The following WNT2B variants were observed in gnomAD, a reference collection of about 807,000 sequenced individuals.
WNT2B encodes protein Wnt-2b.
WNT2B carries 19 observed loss-of-function variants against 40.5 expected under a neutral mutation model. The ratio of observed to expected loss-of-function variants is 0.47; its 90% CI spans 0.33 to 0.69. The LOEUF (loss-of-function observed/expected upper bound fraction) is 0.69, where lower values mean the gene tolerates loss of function less well. WNT2B is among the 30% of genes least tolerant of loss of function. The pLI, the probability that WNT2B is intolerant of heterozygous loss-of-function variation, is 0.02. For missense variants in WNT2B, 467 were observed against 556.4 expected, an observed-to-expected ratio of 0.84 and a Z score of 1.62; for synonymous variants, 220 against 211.9, an observed-to-expected ratio of 1.04 and a Z score of -0.33.
rs1318541695 is a variant in WNT2B, at chr1:112,520,286, T to A, written c.953T>A (p.Leu318Gln). ...YCVLDKAAGSLGTAGRVCSKT... is the reference protein window; with the variant it reads ...YCVLDKAAGSQGTAGRVCSKT... ...CCTCTCTTCCCCAACCCAGGTTCCCTAGGCACTGCAGGCCGTGTCTGCAGC... is the reference window on the plus strand; with the variant it reads ...CCTCTCTTCCCCAACCCAGGTTCCCAAGGCACTGCAGGCCGTGTCTGCAGC... Residue 318 changes from leucine (L) to glutamine (Q), a missense_variant, in exon 5 of 5, where the codon CTA (leucine) becomes CAA (glutamine). Leu to Gln is a moderately radical substitution (Grantham distance 113). This residue lies in a region of WNT2B where 330 missense variants were observed against 438.6 expected (regional missense o/e 0.75). Coordinates refer to ENST00000369684, the MANE Select transcript of WNT2B (RefSeq NM_024494.3). 1 of 1,613,674 alleles carries A rather than the reference T, an allele frequency of 6.2e-7. No homozygotes were observed. The highest frequency in any genetic ancestry group is 1.3e-5 in the African/African-American group (1 of 74,912).
At chr1:112,488,718 ATT>A (rs71584740) in intron 1 of WNT2B, among the ~76,000 whole-genome samples, 1 of 150,586 alleles carries the variant, frequency 6.6e-6, no homozygotes, top group Non-Finnish European at 1.5e-5. Context: ...TGCCCGGCTA[ATT>A]TTTTTTTGTA....
Position 112,502,345 on chromosome 1 carries a change from C to G in WNT2B, c.-94-12529C>G, listed in dbSNP as rs573644164. 7.2e-5 allele frequency among the ~76,000 whole-genome samples: 11 copies of G among 152,244 alleles called. No individual in the cohort carries two copies. In the South Asian group the frequency reaches 8.3e-4, roughly 11 times the overall value. On this transcript the variant is annotated intron_variant, in intron 1 of 4. Transcript: ENST00000256640. ...AGCCCTGCCCTGCACCCCGCTCTCC[C>G]CTCTCTGGCCCGGAGGGCTGCGCCG...
chr1:112,466,896 C>T (rs1650725638), exon 1 of WNT2B: 1 of 152,178 alleles, frequency 6.6e-6, no homozygotes, highest in Non-Finnish European at 1.5e-5. Context: ...TGCCACAGTT[C>T]CTACTAGGTG....
In WNT2B at chr1:112,466,759, C is replaced by T. The variant is rs1650721909; in HGVS notation, c.-927C>T. Reference sequence around the variant, plus strand: ...TGCATTCATCCATTTAATTATGCTTCAGAAATGTCTTGCTCTTTTTATACT... The same window carrying T: ...TGCATTCATCCATTTAATTATGCTTTAGAAATGTCTTGCTCTTTTTATACT... On this transcript the variant is annotated 5_prime_UTR_variant, in exon 1 of 5. Coordinates refer to the WNT2B transcript ENST00000256640. 2.0e-5 allele frequency: 3 copies of T among 152,176 alleles called. No homozygotes were observed. The South Asian group carries it at 6.2e-4, about 32-fold the overall frequency. The allele number at this position is 152,176 out of a possible 1,614,324, so 9.4% of individuals were successfully genotyped here.
rs1172244052 is a variant in WNT2B, at chr1:112,523,590, C to G, written c.*3081C>G. 6.6e-6 allele frequency: 1 copy of G among 152,148 alleles called. No homozygotes were observed. The highest frequency in any genetic ancestry group is 2.4e-5 in the African/African-American group (1 of 41,436). The allele number at this position is 152,148 out of a possible 1,614,324, so 9.4% of individuals were successfully genotyped here. A position where few individuals can be genotyped will look rare whatever the true frequency, so the allele number is the denominator to read the frequency against. On this transcript the variant is annotated 3_prime_UTR_variant, in exon 5 of 5. Transcript: ENST00000369684. Reference sequence around the variant, plus strand: ...TCCATTTAGTTCCCTCACTCTGCTTCTAATCACCCCTTCTCCCAGCCCTCT... The same window carrying G: ...TCCATTTAGTTCCCTCACTCTGCTTGTAATCACCCCTTCTCCCAGCCCTCT...
Position 112,523,875 on chromosome 1 carries a change from G to A in WNT2B, c.*3366G>A, listed in dbSNP as rs907253322. The A allele has an allele frequency of 6.6e-6, 1 of 151,864 alleles. No individual in the cohort carries two copies. Among genetic ancestry groups the A allele is most frequent in the Non-Finnish European group, 1.5e-5 (1 of 67,994 alleles). The allele number at this position is 151,864 out of a possible 1,614,324, so 9.4% of individuals were successfully genotyped here. A position where few individuals can be genotyped will look rare whatever the true frequency, so the allele number is the denominator to read the frequency against. On this transcript the variant is annotated 3_prime_UTR_variant, in exon 5 of 5. Transcript: ENST00000369684. ...GTTTTTTTAATGTAAAAGTAAGAAT[G>A]CCAGCCTTAACCTAGCCCTGCAGAT...
At chr1:112,495,163 A>G (rs1651722433) in intron 1 of WNT2B, among the ~76,000 whole-genome samples, 1 of 151,558 alleles carries the variant, frequency 6.6e-6, no homozygotes, top group South Asian at 2.1e-4. Flanking sequence ...AAGGAGGGAA[A>G]ATTGAATCAT....
rs538027174 is a variant in WNT2B at position 112,528,015 on chromosome 1, G to T, written c.*7506G>T. On this transcript the variant is annotated 3_prime_UTR_variant, in exon 5 of 5. Coordinates refer to ENST00000369684, the MANE Select transcript of WNT2B (RefSeq NM_024494.3). ...TTCCTAGAATAATTATGCTTACTGGGTGACAATATACAGAAGCAACAATTA... is the reference window on the plus strand; with the variant it reads ...TTCCTAGAATAATTATGCTTACTGGTTGACAATATACAGAAGCAACAATTA... 1 of 152,274 alleles carries T rather than the reference G, an allele frequency of 6.6e-6. No homozygotes were observed. The highest frequency in any genetic ancestry group is 1.9e-4 in the East Asian group (1 of 5,188). The allele number at this position is 152,274 out of a possible 1,614,324, so 9.4% of individuals were successfully genotyped here.
chr1:112,486,155 A>C (rs1454814782), intron 1 of WNT2B, among the ~76,000 whole-genome samples: 2 of 151,772 alleles, frequency 1.3e-5, no homozygotes, highest in African/African-American at 4.8e-5. Flanking sequence ...ACACACACAC[A>C]CACCAGGCTG....
At position 112,509,257 on chromosome 1, in the gene WNT2B, G is replaced by T. The variant is rs1490011880; in HGVS notation, c.-6G>T. On this transcript the variant is annotated 5_prime_UTR_variant, in exon 1 of 5. Coordinates refer to ENST00000369684, the MANE Select transcript of WNT2B (RefSeq NM_024494.3). The surrounding 1 kb of genome is among the most constrained non-coding windows in gnomAD (Gnocchi z 4.2). The stretch of plus-strand genomic sequence containing the variant: ...CGGGCTGCGCGGCGGGAGTCTTCGG[G>T]GAGCTATGCTGAGACCGGGTGGTGC... The T allele has an allele frequency of 5.9e-6, 9 of 1,516,770 alleles. No individual in the cohort carries two copies. Among genetic ancestry groups the T allele is most frequent in the Non-Finnish European group, 7.0e-6 (8 of 1,138,636 alleles). 94.0% of individuals were successfully genotyped at this position (1,516,770 alleles called of 1,614,324 possible). A position where few individuals can be genotyped will look rare whatever the true frequency, so the allele number is the denominator to read the frequency against.
At chr1:112,502,054 G>A (rs1651971216) in intron 1 of WNT2B, among the ~76,000 whole-genome samples, 2 of 152,246 alleles carry the variant, frequency 1.3e-5, no homozygotes, top group Admixed American at 1.3e-4. Flanking sequence ...CGGAATCTTG[G>A]CTAAAGCTCA....
chr1:112,490,529 T>A (rs376590731), intron 1 of WNT2B, among the ~76,000 whole-genome samples: 1 of 150,716 alleles, frequency 6.6e-6, no homozygotes, highest in African/African-American at 2.4e-5. Context: ...TCGCTCTGTC[T>A]CCCAGGTTGG....
upstream of WNT2B, chr1:112,508,845 G>A: frequency 1.0e-6 from 1 of 1,000,614 alleles, no homozygotes; most frequent in Non-Finnish European, 1.2e-6. This position sits in a 1 kb window ranked among gnomAD's most constrained non-coding sequence, Gnocchi z 4.2. Flanking sequence ...GCTACACCTA[G>A]GGCGTCGCGG....
chr1:112,483,203 CACACACACACACACACACAT>C lies in WNT2B; in HGVS notation c.-95+15614_-95+15633del, dbSNP rs1439299682. Among the ~76,000 whole-genome samples, 468 of 130,982 alleles carry C rather than the reference CACACACACACACACACACAT, an allele frequency of 3.6e-3. 1 individual carries two copies. The highest frequency in any genetic ancestry group is 0.015 in the African/African-American group (413 of 28,236). The allele number at this position is 130,982 out of a possible 152,430, so 85.9% of individuals were successfully genotyped here. ...AGATACACACACACACACACACACA[CACACACACACACACACACAT>C]ATACACACACACACACATTATAGTA... On this transcript the variant is annotated intron_variant, in intron 1 of 4. Coordinates refer to the WNT2B transcript ENST00000256640.
rs147106959 is a variant in WNT2B, at chr1:112,481,036, G to T, written c.-95+13445G>T. Among the ~76,000 whole-genome samples the T allele has an allele frequency of 3.5e-3, 528 of 152,192 alleles. 11 individuals carry two copies. The East Asian group carries it at 0.065, about 19-fold the overall frequency. On this transcript the variant is annotated intron_variant, in intron 1 of 4. Transcript: ENST00000256640. ...ATACAAAAATTAGCTGGGCATGTTGGCAGGTGCCTGTAATCCGAGCTACTC... is the reference window on the plus strand; with the variant it reads ...ATACAAAAATTAGCTGGGCATGTTGTCAGGTGCCTGTAATCCGAGCTACTC...
At chr1:112,514,333 G>C (rs114337656) in intron 1 of WNT2B, among the ~76,000 whole-genome samples, 2 of 152,064 alleles carry the variant, frequency 1.3e-5, no homozygotes, top group East Asian at 1.9e-4. Flanking sequence ...TTAGCTACAC[G>C]GGTCTGACTA....
chr1:112,516,018 TA>T, intron 2 of WNT2B, 121 bp from the exon 3 acceptor site: 1 of 1,293,912 alleles, frequency 7.7e-7, no homozygotes. Context: ...AAAGGGGGTG[TA>T]GGGGTGACTC....
At chr1:112,491,151 T>G (rs1651590249) in intron 1 of WNT2B, 1 of 1,444,270 alleles carries the variant, frequency 6.9e-7, no homozygotes, top group Non-Finnish European at 9.6e-7. Flanking sequence ...GGCTCGTGCC[T>G]GTAATCCCAG....
chr1:112,517,396 A>AAGGC lies in WNT2B; in HGVS notation c.946+19_946+22dup. The stretch of plus-strand genomic sequence containing the variant: ...TGGACAAGGCTGCAGGTGAGTAAGG[A>AAGGC]AGGCAGGCAGGGACATGCAGTCCCA... On this transcript the variant is annotated intron_variant, in intron 4 of 4. Transcript: ENST00000369684. 1 of 1,593,662 alleles carries AAGGC rather than the reference A, an allele frequency of 6.3e-7. No homozygotes were observed. The highest frequency in any genetic ancestry group is 8.6e-7 in the Non-Finnish European group (1 of 1,164,906).
Sources: allele counts gnomAD v4.1 joint callset (sites outside exome capture counted in the v4.1 genomes callset), GRCh38; gene constraint gnomAD v4.1.1; regional missense constraint gnomAD v4.1.1; non-coding constraint Gnocchi (gnomAD v3.1); transcripts MANE v1.5; gene names NCBI Gene and HGNC (gene_info 2026-07-23, HGNC 2026-07-21).